Variants in RBPMS observed in about 807,000 individuals in gnomAD.
The protein encoded by RBPMS is RNA-binding protein with multiple splicing.
In RBPMS, 7 loss-of-function variants were observed where a neutral mutation model predicts 26.8. The ratio of observed to expected loss-of-function variants is 0.26; its 90% confidence interval spans 0.15 to 0.49. RBPMS has a LOEUF of 0.49. RBPMS is among the 20% of genes least tolerant of loss of function. RBPMS has a pLI of 0.98. For synonymous variants in RBPMS, 96 were observed against 93.3 expected, an observed-to-expected ratio of 1.03 and a Z score of -0.17; for missense variants, 186 against 250.0, an observed-to-expected ratio of 0.74 and a Z score of 1.73.
At chr8:30,489,756 C>T (rs771208989) in intron 4 of RBPMS, among the ~76,000 whole-genome samples, 2 of 150,582 alleles carry the variant, frequency 1.3e-5, no homozygotes, top group Non-Finnish European at 3.0e-5. Context: ...GTCTTTTTTT[C>T]TGTACACTGG....
chr8:30,423,676 C>T (rs975616098), intron 1 of RBPMS, among the ~76,000 whole-genome samples: 9 of 152,034 alleles, frequency 5.9e-5, no homozygotes, highest in Non-Finnish European at 8.8e-5. Context: ...GAGGACCTCC[C>T]GGAAATAGTA....
chr8:30,516,020 G>A (rs747184811), intron 5 of RBPMS, among the ~76,000 whole-genome samples: 3 of 152,134 alleles, frequency 2.0e-5, no homozygotes, highest in Non-Finnish European at 4.4e-5. Flanking sequence ...AGGCTTGATC[G>A]TTTTTACGTG....
chr8:30,541,572 C>A (rs1055055048), intron 5 of RBPMS, among the ~76,000 whole-genome samples: 1 of 152,130 alleles, frequency 6.6e-6, no homozygotes, highest in African/African-American at 2.4e-5. Flanking sequence ...GATCTGCCCT[C>A]TTTCTGCTTA....
chr8:30,515,411 G>A (rs1293492694), intron 5 of RBPMS, among the ~76,000 whole-genome samples: 1 of 152,178 alleles, frequency 6.6e-6, no homozygotes, highest in Non-Finnish European at 1.5e-5. Context: ...TACCTGTAAA[G>A]GGTATTGAAA....
chr8:30,495,302 C>G lies in RBPMS; in HGVS notation c.247-8984C>G, dbSNP rs574639034. On this transcript the variant is annotated intron_variant, in intron 4 of 8. Coordinates refer to ENST00000397323, the MANE Select transcript of RBPMS (RefSeq NM_001008710.3). ...AAGGTTTTTTTTTTTTTTTTAAATTCAAGGGGTTAAAAATCAAAACTGACT... is the reference window on the plus strand; with the variant it reads ...AAGGTTTTTTTTTTTTTTTTAAATTGAAGGGGTTAAAAATCAAAACTGACT... 1.4e-3 allele frequency among the ~76,000 whole-genome samples: 198 copies of G among 140,904 alleles called. 2 individuals are homozygous for G. Among genetic ancestry groups the G allele is most frequent in the South Asian group, 0.012 (56 of 4,484 alleles). 92.4% of individuals were successfully genotyped at this position (140,904 alleles called of 152,430 possible).
intron 5 of RBPMS, among the ~76,000 whole-genome samples, chr8:30,533,362 A>G (rs1212527119): frequency 1.3e-5 from 2 of 152,182 alleles, no homozygotes; most frequent in African/African-American, 4.8e-5. Context: ...TTTGTTTTGC[A>G]CTGAAAATTT....
At chr8:30,556,454 A>T in intron 6 of RBPMS, 1 of 985,890 alleles carries the variant, frequency 1.0e-6, no homozygotes, top group Non-Finnish European at 1.2e-6. Context: ...AGTCACCTGC[A>T]CCGAAAGCAG....
In RBPMS at chr8:30,408,906, C is replaced by T. The variant is rs554606504; in HGVS notation, c.66+23748C>T. ...CAACTGCTGATCTGCTTTTTTTCCT[C>T]TATGGATTAGCCTGTTTCAGACATT... On this transcript the variant is annotated intron_variant, in intron 1 of 8. Coordinates refer to ENST00000397323, the MANE Select transcript of RBPMS (RefSeq NM_001008710.3). Among the ~76,000 whole-genome samples the T allele has an allele frequency of 2.6e-5, 4 of 152,290 alleles. No homozygotes were observed. The East Asian group carries it at 7.7e-4, about 29-fold the overall frequency.
intron 5 of RBPMS, among the ~76,000 whole-genome samples, chr8:30,543,231 C>G (rs1825568777): frequency 6.6e-6 from 1 of 152,212 alleles, no homozygotes; most frequent in Non-Finnish European, 1.5e-5. Context: ...GCCATGCAAG[C>G]TGGCTGTGGG....
At chr8:30,497,685 C>T (rs986990208) in intron 4 of RBPMS, among the ~76,000 whole-genome samples, 7 of 152,000 alleles carry the variant, frequency 4.6e-5, no homozygotes, top group Non-Finnish European at 7.4e-5. Flanking sequence ...GGCACCATCT[C>T]GGCTCACTGC....
intron 1 of RBPMS, chr8:30,446,840 T>TGC (rs1233126508): frequency 4.8e-4 from 35 of 72,860 alleles, no homozygotes; most frequent in South Asian, 8.4e-4. Flanking sequence ...TGTGTGTGTG[T>TGC]GTGCGCGCGC....
At chr8:30,496,395 C>T (rs549363278) in intron 4 of RBPMS, among the ~76,000 whole-genome samples, 1 of 152,192 alleles carries the variant, frequency 6.6e-6, no homozygotes, top group African/African-American at 2.4e-5. Flanking sequence ...GTCTCGATCT[C>T]CCAACCTCGT....
chr8:30,570,483 G>GAC (rs1229562168), intron 8 of RBPMS, among the ~76,000 whole-genome samples, 154 bp from the exon 9 acceptor site: 1 of 152,190 alleles, frequency 6.6e-6, no homozygotes, highest in Non-Finnish European at 1.5e-5. Flanking sequence ...TGAGACCACT[G>GAC]ACACATGTGG....
At chr8:30,549,497 C>A in intron 6 of RBPMS, 7 of 1,610,814 alleles carry the variant, frequency 4.3e-6, no homozygotes, top group Non-Finnish European at 5.9e-6. Context: ...TCTCAACCTG[C>A]AGCTCTGTGA....
At chr8:30,454,859 G>C (rs1815016729) in intron 1 of RBPMS, among the ~76,000 whole-genome samples, 1 of 152,152 alleles carries the variant, frequency 6.6e-6, no homozygotes, top group Non-Finnish European at 1.5e-5. Flanking sequence ...GTCTTACTCT[G>C]TTAGCCCAGG....
At chr8:30,539,649 A>T (rs1481632231) in intron 5 of RBPMS, among the ~76,000 whole-genome samples, 1 of 147,918 alleles carries the variant, frequency 6.8e-6, no homozygotes, top group Admixed American at 6.8e-5. Flanking sequence ...TTTTTGAGAC[A>T]GAGTCTCGCT....
At chr8:30,506,593 A>G (rs1821091781) in intron 5 of RBPMS, among the ~76,000 whole-genome samples, 1 of 152,176 alleles carries the variant, frequency 6.6e-6, no homozygotes. Context: ...TACACGGACA[A>G]ACCCACTTGC....
chr8:30,444,610 G>A (rs931583747), intron 1 of RBPMS: 1 of 152,182 alleles, frequency 6.6e-6, no homozygotes, highest in Admixed American at 6.5e-5. Context: ...GTTTAAAGTG[G>A]ATGTAGTGAA....
intron 7 of RBPMS, 143 bp downstream of exon 7, chr8:30,559,099 G>C: frequency 1.4e-6 from 1 of 698,566 alleles, no homozygotes; most frequent in Non-Finnish European, 2.5e-6. Flanking sequence ...AAACTCACTT[G>C]AACTACATAG....
Sources: gnomAD v4.1 joint callset for allele counts (sites outside exome capture counted in the v4.1 genomes callset) on GRCh38, gnomAD v4.1.1 for gene constraint, MANE v1.5 for transcripts, NCBI Gene and HGNC (gene_info 2026-07-23, HGNC 2026-07-21) for gene names.